Variants in TNFAIP8L2 observed in about 807,000 individuals in gnomAD.
The protein encoded by TNFAIP8L2 is TNF alpha induced protein 8 like 2.
Under a neutral mutation model 5.6 loss-of-function variants are expected in TNFAIP8L2, and 2 were observed. The ratio of observed to expected loss-of-function variants is 0.36; its 90% CI spans 0.15 to 1.13. TNFAIP8L2 has a LOEUF of 1.13. Among genes scored for constraint, TNFAIP8L2 ranks in the 50% most tolerant of loss-of-function variants. TNFAIP8L2 has a pLI of 0.40. For synonymous variants in TNFAIP8L2, 91 were observed against 101.1 expected, an observed-to-expected ratio of 0.90 and a Z score of 0.60; for missense variants, 216 against 241.8, an observed-to-expected ratio of 0.89 and a Z score of 0.71.
In TNFAIP8L2 at chr1:151,158,574, C is replaced by T. The variant is rs970612756; in HGVS notation, c.-32-92C>T. 1.0e-5 allele frequency: 10 copies of T among 1,000,064 alleles called. No individual in the cohort carries two copies. In the East Asian group the frequency reaches 1.3e-4, roughly 13 times the overall value. 61.9% of individuals were successfully genotyped at this position (1,000,064 alleles called of 1,614,324 possible). ...CCCAGGGGGCGGAGAGGATGACAAA[C>T]AAAGATGATGATGACATGGAAACTA... On this transcript the variant is annotated intron_variant, in intron 1 of 1. Transcript: ENST00000368910.
At chr1:151,158,195 T>C (rs587626386) in intron 1 of TNFAIP8L2, among the ~76,000 whole-genome samples, 1 of 151,906 alleles carries the variant, frequency 6.6e-6, no homozygotes, top group East Asian at 1.9e-4. Context: ...TGGTGGTGGG[T>C]GCCTGTAATC....
rs770422098 is a variant in TNFAIP8L2, at chr1:151,158,767, C to A, written c.70C>A (p.Arg24Ser). Residue 24 changes from arginine (R) to serine (S), a missense_variant, in exon 2 of 2, where the codon CGC (arginine) becomes AGC (serine). Physicochemically the swap from Arg to Ser is moderately radical, Grantham distance 110. Transcript: ENST00000368910. ...GAAGCTACTGAGTAAGATGGCGGGTCGCTCTGTGGCTCATCTCTTCATAGA... is the reference window on the plus strand; with the variant it reads ...GAAGCTACTGAGTAAGATGGCGGGTAGCTCTGTGGCTCATCTCTTCATAGA... The part of the protein sequence containing the change: ...EKKLLSKMAG[R>S]SVAHLFIDET... 7 of 1,613,888 alleles carry A rather than the reference C, an allele frequency of 4.3e-6. No homozygotes were observed. The highest frequency in any genetic ancestry group is 5.9e-6 in the Non-Finnish European group (7 of 1,179,914).
At position 151,158,970 on chromosome 1, in the gene TNFAIP8L2, C is replaced by A; in HGVS notation, c.273C>A (p.Arg91=). 3.7e-6 allele frequency: 6 copies of A among 1,614,266 alleles called. No homozygotes were observed. Among genetic ancestry groups the A allele is most frequent in the Non-Finnish European group, 5.1e-6 (6 of 1,180,052 alleles). Residue 91 remains arginine, a synonymous_variant, in exon 2 of 2, where the codon CGC becomes CGA. Coordinates refer to ENST00000368910, the MANE Select transcript of TNFAIP8L2 (RefSeq NM_024575.5). Reference sequence around the variant, plus strand: ...AGCTGGCCCTGGCTACCCGCTTTCGCCAGAAGCTGCGGCAGGGTGCCATGA... The same window carrying A: ...AGCTGGCCCTGGCTACCCGCTTTCGACAGAAGCTGCGGCAGGGTGCCATGA... ...PSELALATRF[R]QKLRQGAMTA...
In TNFAIP8L2 at chr1:151,158,997, G is replaced by A. The variant is rs1683337092; in HGVS notation, c.300G>A (p.Thr100=). The change falls in exon 2 of 2, where the codon ACG becomes ACA. Residue 100 remains threonine (T), a synonymous_variant. Transcript: ENST00000368910. ...FRQKLRQGAM[T]ALSFGEVDFT... is the part of the protein sequence containing the mutation. The stretch of plus-strand genomic sequence containing the variant: ...AGAAGCTGCGGCAGGGTGCCATGAC[G>A]GCACTTAGCTTTGGTGAGGTAGACT... The A allele has an allele frequency of 5.6e-6, 9 of 1,614,280 alleles. No homozygotes were observed. Among genetic ancestry groups the A allele is most frequent in the Non-Finnish European group, 6.8e-6 (8 of 1,180,052 alleles).
rs1459783737 is a variant in TNFAIP8L2, at chr1:151,158,881, G to T, written c.184G>T (p.Asp62Tyr). The change falls in exon 2 of 2, where the codon GAC becomes TAC. Residue 62 changes from aspartate (D) to tyrosine (Y), a missense_variant. Asp to Tyr is a radical substitution (Grantham distance 160). Coordinates refer to ENST00000368910, the MANE Select transcript of TNFAIP8L2 (RefSeq NM_024575.5). Reference sequence around the variant, plus strand: ...GCCCCAGGCCCAGCGCGTGATCAAGGACCTGATCAAAGTGGCCATCAAGGT... The same window carrying T: ...GCCCCAGGCCCAGCGCGTGATCAAGTACCTGATCAAAGTGGCCATCAAGGT... ...SRPQAQRVIK[D>Y]LIKVAIKVAV... The T allele has an allele frequency of 1.2e-6, 2 of 1,614,104 alleles. No homozygotes were observed. The highest frequency in any genetic ancestry group is 2.7e-5 in the African/African-American group (2 of 74,944).
intron 1 of TNFAIP8L2, among the ~76,000 whole-genome samples, 151 bp downstream of exon 1, chr1:151,156,873 G>A (rs1683239867): frequency 6.6e-6 from 1 of 152,154 alleles, no homozygotes; most frequent in African/African-American, 2.4e-5. Context: ...TTTTTCTGGT[G>A]GCAAGGCAGC....
In TNFAIP8L2 at chr1:151,158,680, C is replaced by T; in HGVS notation, c.-18C>T. ...CTTTCTTCTAGTGACTGACCACATA[C>T]CCCACTCTCCAGGACCCATGGAGTC... On this transcript the variant is annotated 5_prime_UTR_variant, in exon 2 of 2. Transcript: ENST00000368910. 6.4e-7 allele frequency: 1 copy of T among 1,557,772 alleles called. No homozygotes were observed. Among genetic ancestry groups the T allele is most frequent in the Non-Finnish European group, 8.7e-7 (1 of 1,149,770 alleles).
In TNFAIP8L2 at chr1:151,156,658, G is replaced by GA. The variant is rs1383389238; in HGVS notation, c.-95dup. 1 of 152,234 alleles carries GA rather than the reference G, an allele frequency of 6.6e-6. No homozygotes were observed. Among genetic ancestry groups the GA allele is most frequent in the Non-Finnish European group, 1.5e-5 (1 of 68,076 alleles). The allele number at this position is 152,234 out of a possible 1,614,324, so 9.4% of individuals were successfully genotyped here. A position where few individuals can be genotyped will look rare whatever the true frequency, so the allele number is the denominator to read the frequency against. The stretch of plus-strand genomic sequence containing the variant: ...AAGCCAAAGGGCTCTCACACTAAGT[G>GA]AAGCTTCTCCATTCTGTAAGCTTTC... On this transcript the variant is annotated 5_prime_UTR_variant, in exon 1 of 2. Coordinates refer to ENST00000368910, the MANE Select transcript of TNFAIP8L2 (RefSeq NM_024575.5).
chr1:151,158,481 G>A (rs1291449398), intron 1 of TNFAIP8L2, among the ~76,000 whole-genome samples, 185 bp from the exon 2 acceptor site: 1 of 152,040 alleles, frequency 6.6e-6, no homozygotes, highest in Non-Finnish European at 1.5e-5. Context: ...GGCTGTTTTG[G>A]AGTCAAGATT....
Position 151,159,311 on chromosome 1 carries a change from A to G in TNFAIP8L2, c.*59A>G. On this transcript the variant is annotated 3_prime_UTR_variant, in exon 2 of 2. Transcript: ENST00000368910. ...AATGGTTGACTGAGAAAACACAGAT[A>G]ATGGGCTTCCTAACCCTGCTCACCT... 6.6e-7 allele frequency: 1 copy of G among 1,521,566 alleles called. No homozygotes were observed. The highest frequency in any genetic ancestry group is 8.9e-7 in the Non-Finnish European group (1 of 1,120,058). The allele number at this position is 1,521,566 out of a possible 1,614,324, so 94.3% of individuals were successfully genotyped here. A position where few individuals can be genotyped will look rare whatever the true frequency, so the allele number is the denominator to read the frequency against.
In TNFAIP8L2 at chr1:151,158,660, T is replaced by A. The variant is rs894740112; in HGVS notation, c.-32-6T>A. 3 of 1,511,174 alleles carry A rather than the reference T, an allele frequency of 2.0e-6. 1 individual carries two copies. The East Asian group carries it at 6.8e-5, about 34-fold the overall frequency. 93.6% of individuals were successfully genotyped at this position (1,511,174 alleles called of 1,614,324 possible). ...TTTCTAAGGAAGCCTGTGGCCTTTC[T>A]TCTAGTGACTGACCACATACCCCAC... On this transcript the variant is annotated splice_region_variant and splice_polypyrimidine_tract_variant and intron_variant, in intron 1 of 1. Coordinates refer to ENST00000368910, the MANE Select transcript of TNFAIP8L2 (RefSeq NM_024575.5).
At position 151,158,911 on chromosome 1, in the gene TNFAIP8L2, G is replaced by C. The variant is rs751780036; in HGVS notation, c.214G>C (p.Val72Leu). The change falls in exon 2 of 2, where the codon GTG becomes CTG. Residue 72 changes from valine (V) to leucine (L), a missense_variant. Physicochemically the swap from Val to Leu is conservative, Grantham distance 32. Coordinates refer to ENST00000368910, the MANE Select transcript of TNFAIP8L2 (RefSeq NM_024575.5). ...DLIKVAIKVAVLHRNGSFGPS... is the reference protein window; with the variant it reads ...DLIKVAIKVALLHRNGSFGPS... ...GATCAAAGTGGCCATCAAGGTGGCTGTGCTGCACCGCAATGGCTCCTTTGG... is the reference window on the plus strand; with the variant it reads ...GATCAAAGTGGCCATCAAGGTGGCTCTGCTGCACCGCAATGGCTCCTTTGG... 1 of 1,614,132 alleles carries C rather than the reference G, an allele frequency of 6.2e-7. No individual in the cohort carries two copies. Among genetic ancestry groups the C allele is most frequent in the Non-Finnish European group, 8.5e-7 (1 of 1,180,048 alleles).
chr1:151,159,153 C>T lies in TNFAIP8L2; in HGVS notation c.456C>T (p.Asp152=). Residue 152 remains aspartate, a synonymous_variant, in exon 2 of 2, where the codon GAC becomes GAT. Coordinates refer to ENST00000368910, the MANE Select transcript of TNFAIP8L2 (RefSeq NM_024575.5). ...RIRHVFDHFS[D]PGLLTALYGP... is the part of the protein sequence containing the mutation. ...GCCACGTGTTTGATCACTTCTCTGA[C>T]CCAGGTCTGCTCACGGCCCTCTATG... 1 of 1,614,208 alleles carries T rather than the reference C, an allele frequency of 6.2e-7. No individual in the cohort carries two copies. Among genetic ancestry groups the T allele is most frequent in the Non-Finnish European group, 8.5e-7 (1 of 1,180,046 alleles).
Position 151,159,426 on chromosome 1 carries a change from G to T in TNFAIP8L2, c.*174G>T. On this transcript the variant is annotated 3_prime_UTR_variant, in exon 2 of 2. Transcript: ENST00000368910. ...AGCCCACCCCCAAACAGCTAGTGGA[G>T]AAGGAGCAATGCTGAGGGGTGAGGC... is the stretch of plus-strand genomic sequence containing the variant. 3.0e-6 allele frequency: 2 copies of T among 671,744 alleles called. No homozygotes were observed. The highest frequency in any genetic ancestry group is 2.0e-5 in the South Asian group (1 of 50,948). 41.6% of individuals were successfully genotyped at this position (671,744 alleles called of 1,614,324 possible). A position where few individuals can be genotyped will look rare whatever the true frequency, so the allele number is the denominator to read the frequency against.
intron 1 of TNFAIP8L2, among the ~76,000 whole-genome samples, chr1:151,158,435 C>T (rs1683304318): frequency 6.6e-6 from 1 of 152,042 alleles, no homozygotes. Flanking sequence ...CCCGTGTGCC[C>T]ACATTCCTCC....
At chr1:151,156,897 G>A (rs1334973169) in intron 1 of TNFAIP8L2, among the ~76,000 whole-genome samples, 175 bp downstream of exon 1, 1 of 152,190 alleles carries the variant, frequency 6.6e-6, no homozygotes, top group Admixed American at 6.5e-5. Context: ...TGAAAGACCT[G>A]GTTTTGGATG....
rs894740112 is a variant in TNFAIP8L2 at position 151,158,660 on chromosome 1, T to C, written c.-32-6T>C. The C allele has an allele frequency of 6.6e-7, 1 of 1,511,174 alleles. No homozygotes were observed. 93.6% of individuals were successfully genotyped at this position (1,511,174 alleles called of 1,614,324 possible). ...TTTCTAAGGAAGCCTGTGGCCTTTC[T>C]TCTAGTGACTGACCACATACCCCAC... On this transcript the variant is annotated splice_region_variant and splice_polypyrimidine_tract_variant and intron_variant, in intron 1 of 1. Transcript: ENST00000368910.
rs145235544 is a variant in TNFAIP8L2 at position 151,158,846 on chromosome 1, C to G, written c.149C>G (p.Thr50Arg). ...CTCTACCGTGTGTCCAAGGAGTACA[C>G]GCACAGCCGGCCCCAGGCCCAGCGC... ...DELYRVSKEY[T>R]HSRPQAQRVI... Residue 50 changes from threonine (T) to arginine (R), a missense_variant, in exon 2 of 2, where the codon ACG (threonine) becomes AGG (arginine). Coordinates refer to ENST00000368910, the MANE Select transcript of TNFAIP8L2 (RefSeq NM_024575.5). 23 of 1,614,176 alleles carry G rather than the reference C, an allele frequency of 1.4e-5. No individual in the cohort carries two copies. The highest frequency in any genetic ancestry group is 1.3e-4 in the East Asian group (6 of 44,870).
chr1:151,156,940 T>C (rs1683242065), intron 1 of TNFAIP8L2, among the ~76,000 whole-genome samples: 2 of 152,072 alleles, frequency 1.3e-5, no homozygotes. Flanking sequence ...TGCAGGTGGA[T>C]CCACATCCAT....
Sources: allele counts gnomAD v4.1 joint callset (sites outside exome capture counted in the v4.1 genomes callset), GRCh38; gene constraint gnomAD v4.1.1; transcripts MANE v1.5; gene names NCBI Gene and HGNC (gene_info 2026-07-23, HGNC 2026-07-21).